The following STPG1 variants were observed in gnomAD, a reference collection of about 807,000 sequenced individuals.
The protein encoded by STPG1 is sperm tail PG-rich repeat containing 1, also known as O(6)-methylguanine-induced apoptosis 2.
A neutral mutation model predicts 40.1 loss-of-function variants in STPG1; 33 were observed. That is an observed-to-expected ratio of 0.82 (90% CI 0.62 to 1.10). The LOEUF (loss-of-function observed/expected upper bound fraction) is 1.10. STPG1 is among the 50% of genes least tolerant of loss of function. STPG1 has a pLI of 0.00. For synonymous variants in STPG1, 150 were observed against 155.0 expected (o/e 0.97, Z 0.24); for missense variants, 396 against 415.1 (o/e 0.95, Z 0.40).
chr1:24,379,865 A>G, intron 4 of STPG1, 42 bp from the exon 5 acceptor site: 1 of 1,591,804 alleles, frequency 6.3e-7, no homozygotes, highest in Non-Finnish European at 8.6e-7. Context: ...GTCACATAAT[A>G]TTGTGGATCT....
chr1:24,361,056 A>C lies in STPG1; in HGVS notation c.738-15T>G. 2 of 1,596,542 alleles carry C rather than the reference A, an allele frequency of 1.3e-6. No homozygotes were observed. Among genetic ancestry groups the C allele is most frequent in the Non-Finnish European group, 1.7e-6 (2 of 1,170,414 alleles). Reference sequence around the variant, plus strand: ...TGGGGTTTTTCCTTTGGGAAAGATAAAACGGGAAGATGTCACTAAGGCAGT... The same window carrying C: ...TGGGGTTTTTCCTTTGGGAAAGATACAACGGGAAGATGTCACTAAGGCAGT... On this transcript the variant is annotated splice_polypyrimidine_tract_variant and intron_variant, in intron 7 of 8. Coordinates refer to ENST00000337248, the MANE Select transcript of STPG1 (RefSeq NM_001199013.2).
intron 1 of STPG1, among the ~76,000 whole-genome samples, chr1:24,406,228 A>C (rs1297754698): frequency 2.6e-5 from 4 of 152,076 alleles, no homozygotes; most frequent in Non-Finnish European, 5.9e-5. Flanking sequence ...TATAGTGATT[A>C]AGGTTTACAG....
intron 5 of STPG1, among the ~76,000 whole-genome samples, chr1:24,377,085 C>A (rs1162966567): frequency 7.2e-6 from 1 of 138,346 alleles, no homozygotes; most frequent in Non-Finnish European, 1.5e-5. Context: ...ATGGTGAAAC[C>A]CCATCTCTAC....
Position 24,361,062 on chromosome 1 carries a change from G to A in STPG1, c.738-21C>T, listed in dbSNP as rs761134513. 33 of 1,592,110 alleles carry A rather than the reference G, an allele frequency of 2.1e-5. No homozygotes were observed. In the Admixed American group the frequency reaches 5.7e-4, roughly 28 times the overall value. On this transcript the variant is annotated intron_variant, in intron 7 of 8. Transcript: ENST00000337248. ...TTTTCCTTTGGGAAAGATAAAACGG[G>A]AAGATGTCACTAAGGCAGTCTAGTG...
At chr1:24,392,120 T>C in intron 2 of STPG1, 1 of 985,364 alleles carries the variant, frequency 1.0e-6, no homozygotes, top group Non-Finnish European at 1.2e-6. Context: ...GTTAGGGAAA[T>C]CCCAGCCTGG....
intron 4 of STPG1, 48 bp downstream of exon 4, chr1:24,383,854 G>A: frequency 8.4e-7 from 1 of 1,193,392 alleles, no homozygotes; most frequent in Non-Finnish European, 1.3e-6. Context: ...AATGAATGAA[G>A]GAAATTACTG....
In STPG1 at chr1:24,364,186, G is replaced by A. The variant is rs6694170; in HGVS notation, c.738-3145C>T. On this transcript the variant is annotated intron_variant, in intron 7 of 8. Coordinates refer to ENST00000337248, the MANE Select transcript of STPG1 (RefSeq NM_001199013.2). ...CTTGACGTTCTCACTTTCTTCCAGG[G>A]AAACTTCTCTCCTCCACCCACGCCT... The A allele has an allele frequency of 0.04, 60,298 of 1,489,000 alleles. 1,419 individuals carry two copies. The highest frequency in any genetic ancestry group is 0.047 in the Non-Finnish European group (52,464 of 1,117,818). The allele number at this position is 1,489,000 out of a possible 1,614,324, so 92.2% of individuals were successfully genotyped here.
chr1:24,370,894 T>C (rs1193279706), intron 6 of STPG1, among the ~76,000 whole-genome samples: 1 of 152,008 alleles, frequency 6.6e-6, no homozygotes, highest in Non-Finnish European at 1.5e-5. Flanking sequence ...GTGCTAGGAC[T>C]ACAGGTGTGA....
intron 7 of STPG1, among the ~76,000 whole-genome samples, chr1:24,366,051 G>A (rs1042907086): frequency 6.6e-6 from 1 of 152,188 alleles, no homozygotes; most frequent in Non-Finnish European, 1.5e-5. Context: ...AAACTCCAGG[G>A]AGAATTCATA....
Position 24,357,857 on chromosome 1 carries a change from G to C in STPG1, c.*686C>G, listed in dbSNP as rs1344347018. 3.2e-6 allele frequency: 1 copy of C among 307,730 alleles called. No homozygotes were observed. Among genetic ancestry groups the C allele is most frequent in the East Asian group, 8.3e-5 (1 of 12,118 alleles). 19.1% of individuals were successfully genotyped at this position (307,730 alleles called of 1,614,324 possible). A position where few individuals can be genotyped will look rare whatever the true frequency, so the allele number is the denominator to read the frequency against. On this transcript the variant is annotated 3_prime_UTR_variant, in exon 9 of 9. Coordinates refer to ENST00000337248, the MANE Select transcript of STPG1 (RefSeq NM_001199013.2). ...TTGAGAAAATTCAGTCCCGCCAGCA[G>C]AGAAAGTCAGGGAAAAGCGCAGCCC...
At chr1:24,402,407 T>C (rs1197368204) in intron 1 of STPG1, among the ~76,000 whole-genome samples, 1 of 149,418 alleles carries the variant, frequency 6.7e-6, no homozygotes, top group Non-Finnish European at 1.5e-5. Flanking sequence ...TTAATTTGGA[T>C]ATTTTCATGT....
chr1:24,403,790 T>C (rs1369667762), intron 1 of STPG1, among the ~76,000 whole-genome samples: 2 of 152,144 alleles, frequency 1.3e-5, no homozygotes, highest in African/African-American at 4.8e-5. Context: ...AATTTATATA[T>C]ATTAATGCTG....
chr1:24,379,087 C>T (rs1035556833), intron 5 of STPG1, among the ~76,000 whole-genome samples: 1 of 152,148 alleles, frequency 6.6e-6, no homozygotes, highest in Non-Finnish European at 1.5e-5. Flanking sequence ...GTAAACTAAG[C>T]CCTGGAAAGG....
intron 5 of STPG1, among the ~76,000 whole-genome samples, chr1:24,378,305 A>C (rs1642122094): frequency 6.6e-6 from 1 of 152,296 alleles, no homozygotes; most frequent in Non-Finnish European, 1.5e-5. Context: ...AATTAACTTC[A>C]TCTGTCCCTT....
chr1:24,403,432 C>A (rs1235570977), intron 1 of STPG1, among the ~76,000 whole-genome samples: 1 of 152,060 alleles, frequency 6.6e-6, no homozygotes, highest in Non-Finnish European at 1.5e-5. Context: ...ATTATTTCGA[C>A]TATATTAGCT....
chr1:24,375,454 C>G (rs923678108), intron 5 of STPG1, among the ~76,000 whole-genome samples: 3 of 152,102 alleles, frequency 2.0e-5, no homozygotes, highest in Admixed American at 1.3e-4. Flanking sequence ...AGGAATTTAG[C>G]TTTTCCCAGG....
chr1:24,369,637 AC>A (rs1641637609), intron 7 of STPG1, 36 bp downstream of exon 7: 1 of 1,554,096 alleles, frequency 6.4e-7, no homozygotes, highest in African/African-American at 1.4e-5. Context: ...CCCCACAACC[AC>A]CTTTCAAAAG....
At chr1:24,389,000 C>T (rs1041174802) in intron 3 of STPG1, among the ~76,000 whole-genome samples, 5 of 152,134 alleles carry the variant, frequency 3.3e-5, no homozygotes, top group Non-Finnish European at 7.4e-5. Flanking sequence ...CCTGCCCTTT[C>T]CATAAAATTC....
intron 5 of STPG1, chr1:24,379,425 C>T (rs1219636250): frequency 7.5e-6 from 4 of 533,406 alleles, no homozygotes; most frequent in Non-Finnish European, 1.3e-5. Flanking sequence ...AGGGCAGTGG[C>T]CTCCCCACAG....
Sources: allele counts gnomAD v4.1 joint callset (sites outside exome capture counted in the v4.1 genomes callset), GRCh38; gene constraint gnomAD v4.1.1; transcripts MANE v1.5; gene names NCBI Gene and HGNC (gene_info 2026-07-23, HGNC 2026-07-21).